CNNM1: variants seen among roughly 807,000 people sequenced by gnomAD.
The protein encoded by CNNM1 is cyclin and CBS domain divalent metal cation transport mediator 1, also known as metal transporter CNNM1.
A neutral mutation model predicts 78.8 loss-of-function variants in CNNM1; 44 were observed. The ratio of observed to expected loss-of-function variants is 0.56; its 90% CI spans 0.44 to 0.72. CNNM1 has a LOEUF of 0.72. CNNM1 is among the 30% of genes least tolerant of loss of function. CNNM1 has a pLI of 0.00. For missense variants in CNNM1, 1,101 were observed against 1,292.2 expected (o/e 0.85, Z 2.27); for synonymous variants, 584 against 581.5 (o/e 1.00, Z -0.06).
chr10:99,358,428 C>A (rs1396012740), intron 2 of CNNM1, among the ~76,000 whole-genome samples: 2 of 152,202 alleles, frequency 1.3e-5, no homozygotes, highest in Non-Finnish European at 1.5e-5. Context: ...GAAGTGTTTC[C>A]TCCTGAGAAT....
intron 7 of CNNM1, among the ~76,000 whole-genome samples, chr10:99,378,283 G>A (rs2032039414): frequency 6.6e-6 from 1 of 152,122 alleles, no homozygotes; most frequent in Non-Finnish European, 1.5e-5. Flanking sequence ...CTAGTATTCT[G>A]CAAACCATGA....
chr10:99,329,723 C>A lies in CNNM1; in HGVS notation c.336C>A (p.Pro112=), dbSNP rs1161024872. Residue 112 remains proline (P), a synonymous_variant, in exon 1 of 11, where the codon CCC becomes CCA. Transcript: ENST00000356713. ...CGCGGCTCGTGTTCATCGAGGAGCC[C>A]CCGGGCGGTGGCGGCGTGGCCCCCA... is the stretch of plus-strand genomic sequence containing the variant. ...WAPRLVFIEE[P]PGGGGVAPSA... is the part of the protein sequence containing the mutation. The A allele has an allele frequency of 2.6e-6, 4 of 1,525,392 alleles. No individual in the cohort carries two copies. The highest frequency in any genetic ancestry group is 3.5e-6 in the Non-Finnish European group (4 of 1,146,924). 94.5% of individuals were successfully genotyped at this position (1,525,392 alleles called of 1,614,324 possible). A position where few individuals can be genotyped will look rare whatever the true frequency, so the allele number is the denominator to read the frequency against.
chr10:99,373,923 A>G (rs2134065299), intron 6 of CNNM1, among the ~76,000 whole-genome samples: 1 of 152,364 alleles, frequency 6.6e-6, no homozygotes, highest in South Asian at 2.1e-4. Context: ...GTATACACAC[A>G]TACACACACA....
chr10:99,352,122 C>T (rs1249937248), intron 1 of CNNM1, among the ~76,000 whole-genome samples: 1 of 152,132 alleles, frequency 6.6e-6, no homozygotes, highest in Admixed American at 6.6e-5. Context: ...ACTCACTTAG[C>T]CATGCCCCAC....
At chr10:99,376,030 G>T (rs572866497) in intron 6 of CNNM1, among the ~76,000 whole-genome samples, 1 of 152,332 alleles carries the variant, frequency 6.6e-6, no homozygotes, top group Admixed American at 6.5e-5. Flanking sequence ...ACCTGGCTAA[G>T]CATTCAGGAG....
At chr10:99,344,331 C>CAA (rs1242567242) in intron 1 of CNNM1, among the ~76,000 whole-genome samples, 3 of 22,142 alleles carry the variant, frequency 1.4e-4, no homozygotes, top group African/African-American at 3.4e-4. Context: ...GACTCCGTCT[C>CAA]AAAAAAAAAA....
At chr10:99,362,488 A>T in intron 4 of CNNM1, 92 bp downstream of exon 4, 3 of 1,365,574 alleles carry the variant, frequency 2.2e-6, no homozygotes, top group Non-Finnish European at 2.0e-6. Flanking sequence ...CCAAGTTCCA[A>T]GACTTGGCTG....
At chr10:99,367,345 T>G (rs1361754040) in intron 6 of CNNM1, among the ~76,000 whole-genome samples, 1 of 152,226 alleles carries the variant, frequency 6.6e-6, no homozygotes, top group Admixed American at 6.5e-5. Context: ...CGATGACCTA[T>G]GCTTCAAAGT....
At chr10:99,368,534 A>T in intron 6 of CNNM1, 1 of 818,430 alleles carries the variant, frequency 1.2e-6, no homozygotes, top group Non-Finnish European at 1.8e-6. Flanking sequence ...AGACTGTCTC[A>T]CCCACTTTGT....
At chr10:99,352,280 A>C (rs192608572) in intron 1 of CNNM1, among the ~76,000 whole-genome samples, 5 of 152,352 alleles carry the variant, frequency 3.3e-5, no homozygotes, top group Admixed American at 2.0e-4. Context: ...TTCAAGGGTC[A>C]TCCATGTTGT....
intron 1 of CNNM1, among the ~76,000 whole-genome samples, chr10:99,356,969 C>T (rs143092282): frequency 1.3e-5 from 2 of 152,156 alleles, no homozygotes; most frequent in Admixed American, 6.5e-5. Flanking sequence ...ACAAGCCCCC[C>T]CAGATTCAAG....
At chr10:99,351,002 G>C (rs927687015) in intron 1 of CNNM1, among the ~76,000 whole-genome samples, 1 of 152,192 alleles carries the variant, frequency 6.6e-6, no homozygotes, top group South Asian at 2.1e-4. Context: ...GTCCCCTGGG[G>C]GGCAAAATCA....
At chr10:99,388,075 C>T in intron 8 of CNNM1, 72 bp downstream of exon 8, 1 of 1,593,212 alleles carries the variant, frequency 6.3e-7, no homozygotes, top group South Asian at 1.1e-5. Flanking sequence ...CTCTTCTAGC[C>T]CTTCCCAGGG....
In CNNM1 at chr10:99,391,955, T is replaced by C. The variant is rs2032484724; in HGVS notation, c.*439T>C. 2 of 159,868 alleles carry C rather than the reference T, an allele frequency of 1.3e-5. No individual in the cohort carries two copies. Among genetic ancestry groups the C allele is most frequent in the Admixed American group, 1.2e-4 (2 of 16,928 alleles). The allele number at this position is 159,868 out of a possible 1,614,324, so 9.9% of individuals were successfully genotyped here. A position where few individuals can be genotyped will look rare whatever the true frequency, so the allele number is the denominator to read the frequency against. ...TAACACATTTCATGCATAGCTTGGC[T>C]CAGAAGGTGCCATTGGCAGACAGGC... On this transcript the variant is annotated 3_prime_UTR_variant, in exon 11 of 11. Transcript: ENST00000356713.
chr10:99,390,223 G>A, intron 9 of CNNM1, 83 bp from the exon 10 acceptor site: 3 of 974,680 alleles, frequency 3.1e-6, no homozygotes, highest in Non-Finnish European at 4.7e-6. Flanking sequence ...CTTGCTGAGG[G>A]ATGTCATCAC....
chr10:99,361,849 G>A (rs2031444417), intron 3 of CNNM1, among the ~76,000 whole-genome samples: 2 of 152,154 alleles, frequency 1.3e-5, no homozygotes, highest in Admixed American at 1.3e-4. Context: ...AAATAAGCCA[G>A]ATTAAATTAT....
chr10:99,333,690 G>C (rs2134011745), intron 1 of CNNM1, among the ~76,000 whole-genome samples: 1 of 152,250 alleles, frequency 6.6e-6, no homozygotes, highest in Admixed American at 6.5e-5. Flanking sequence ...GGCAACAAGG[G>C]AGACAGGAAG....
chr10:99,353,174 G>A (rs905384994), intron 1 of CNNM1, among the ~76,000 whole-genome samples: 2 of 152,036 alleles, frequency 1.3e-5, no homozygotes, highest in Non-Finnish European at 2.9e-5. Context: ...TTTTGGAGTT[G>A]TCTTCTTAAG....
chr10:99,379,227 C>A (rs2032065681), intron 7 of CNNM1, among the ~76,000 whole-genome samples: 1 of 152,226 alleles, frequency 6.6e-6, no homozygotes. Flanking sequence ...TGTTGAGATA[C>A]TGTGGTGAAG....
Sources: allele counts gnomAD v4.1 joint callset (sites outside exome capture counted in the v4.1 genomes callset), GRCh38; gene constraint gnomAD v4.1.1; transcripts MANE v1.5; gene names NCBI Gene and HGNC (gene_info 2026-07-23, HGNC 2026-07-21).